KCNG2: variants seen among roughly 807,000 people sequenced by gnomAD.
KCNG2 encodes the protein potassium voltage-gated channel modifier subfamily G member 2, also known as voltage-gated potassium channel regulatory subunit KCNG2.
A neutral mutation model predicts 12.3 loss-of-function variants in KCNG2; 7 were observed. The ratio of observed to expected loss-of-function variants is 0.57; its 90% CI spans 0.32 to 1.07. The LOEUF (loss-of-function observed/expected upper bound fraction) is 1.07. Ranked by LOEUF, KCNG2 falls within the 50% of genes least tolerant of loss-of-function variation. The probability of loss-of-function intolerance (pLI) is 0.04; values close to 1 mark genes in which losing one functional copy is unlikely to be tolerated. For synonymous variants in KCNG2, 414 were observed against 351.4 expected, an observed-to-expected ratio of 1.18 and a Z score of -1.99; for missense variants, 703 against 726.0, an observed-to-expected ratio of 0.97 and a Z score of 0.36.
At chr18:79,829,596 C>A (rs36087369) in intron 1 of KCNG2, among the ~76,000 whole-genome samples, 8 of 151,978 alleles carry the variant, frequency 5.3e-5, no homozygotes, top group African/African-American at 1.5e-4. Context: ...CAGTCTCTGC[C>A]TCACACCGGT....
At chr18:79,817,933 C>A (rs938900738) in intron 1 of KCNG2, among the ~76,000 whole-genome samples, 2 of 152,210 alleles carry the variant, frequency 1.3e-5, no homozygotes, top group African/African-American at 2.4e-5. Context: ...GTGAATTGGG[C>A]TCTTTCCTGA....
chr18:79,891,689 C>T (rs1568273332), intron 3 of KCNG2, among the ~76,000 whole-genome samples: 1 of 152,074 alleles, frequency 6.6e-6, no homozygotes, highest in East Asian at 1.9e-4. Flanking sequence ...CCCAATTTTT[C>T]TCCTGTTATT....
intron 3 of KCNG2, among the ~76,000 whole-genome samples, chr18:79,867,457 G>T (rs1478870690): frequency 1.8e-5 from 2 of 110,770 alleles, no homozygotes; most frequent in Admixed American, 1.8e-4. Flanking sequence ...GTGTCTTGGG[G>T]GGGGGACCGT....
At chr18:79,846,120 C>T (rs1226325826) in intron 1 of KCNG2, among the ~76,000 whole-genome samples, 1 of 150,970 alleles carries the variant, frequency 6.6e-6, no homozygotes, top group Non-Finnish European at 1.5e-5. Context: ...CGCCTGTAAT[C>T]CCAGCACTTT....
chr18:79,834,941 T>A (rs1028927936), intron 1 of KCNG2, among the ~76,000 whole-genome samples: 4 of 152,200 alleles, frequency 2.6e-5, no homozygotes, highest in African/African-American at 9.7e-5. Flanking sequence ...TTCCCTCTTG[T>A]TTATACTGAG....
intron 1 of KCNG2, among the ~76,000 whole-genome samples, chr18:79,851,963 G>A (rs1978840082): frequency 6.6e-6 from 1 of 152,192 alleles, no homozygotes; most frequent in Admixed American, 6.5e-5. Context: ...ATTTATTTTC[G>A]TTTTATAGAT....
Position 79,899,841 on chromosome 18 carries a change from C to T in KCNG2, c.*25C>T, listed in dbSNP as rs1285161567. ...ACGCCTGCGCCGCCCACACGGAGAC[C>T]CCCTGCCCCCTCCAGCTGCAGCGTC... is the stretch of plus-strand genomic sequence containing the variant. On this transcript the variant is annotated 3_prime_UTR_variant, in exon 4 of 4. Transcript: ENST00000316249. 1.5e-6 allele frequency: 2 copies of T among 1,319,162 alleles called. No individual in the cohort carries two copies. The highest frequency in any genetic ancestry group is 1.9e-6 in the Non-Finnish European group (2 of 1,038,406). 81.7% of individuals were successfully genotyped at this position (1,319,162 alleles called of 1,614,324 possible).
At chr18:79,810,129 G>T (rs577282052) in intron 1 of KCNG2, among the ~76,000 whole-genome samples, 1 of 152,354 alleles carries the variant, frequency 6.6e-6, no homozygotes, top group African/African-American at 2.4e-5. Flanking sequence ...CTTCTCATGT[G>T]CAAAGGCAGA....
At chr18:79,836,276 A>C (rs1978324086) in intron 1 of KCNG2, among the ~76,000 whole-genome samples, 2 of 152,242 alleles carry the variant, frequency 1.3e-5, no homozygotes, top group Admixed American at 1.3e-4. Flanking sequence ...ATGTTACCAG[A>C]GACAGAGGAG....
intron 3 of KCNG2, among the ~76,000 whole-genome samples, chr18:79,867,282 A>T (rs1375399330): frequency 6.6e-6 from 1 of 151,714 alleles, no homozygotes; most frequent in Non-Finnish European, 1.5e-5. Flanking sequence ...GTCCTGTCCC[A>T]CTAACCTGAC....
At chr18:79,885,738 C>T (rs1464690894) in intron 3 of KCNG2, among the ~76,000 whole-genome samples, 3 of 151,842 alleles carry the variant, frequency 2.0e-5, no homozygotes, top group Non-Finnish European at 4.4e-5. Context: ...ACCGGGGACA[C>T]GAGGGAGATG....
At chr18:79,883,278 C>T (rs1044136570) in intron 3 of KCNG2, among the ~76,000 whole-genome samples, 4 of 150,868 alleles carry the variant, frequency 2.7e-5, no homozygotes, top group Non-Finnish European at 5.9e-5. Context: ...AGGCAGGGAA[C>T]GGCGGGGGGA....
chr18:79,877,315 C>A (rs1310395301), intron 3 of KCNG2, among the ~76,000 whole-genome samples: 2 of 151,682 alleles, frequency 1.3e-5, no homozygotes, highest in African/African-American at 4.9e-5. Context: ...GAGGCTGGGT[C>A]CCTCCAGCGG....
chr18:79,879,743 AT>A (rs1980221209), intron 3 of KCNG2, among the ~76,000 whole-genome samples: 2 of 152,200 alleles, frequency 1.3e-5, no homozygotes. Flanking sequence ...CACCGGACTT[AT>A]CCCAACCAGT....
At chr18:79,807,200 G>C (rs114944050) in intron 1 of KCNG2, among the ~76,000 whole-genome samples, 2 of 152,122 alleles carry the variant, frequency 1.3e-5, no homozygotes, top group Non-Finnish European at 2.9e-5. Context: ...TGAGGGTTCC[G>C]AGTGGGTGGC....
chr18:79,855,668 C>A (rs575575334), intron 1 of KCNG2, among the ~76,000 whole-genome samples: 2 of 152,024 alleles, frequency 1.3e-5, no homozygotes, highest in East Asian at 3.9e-4. Context: ...GGGTTTCCTT[C>A]CCGATCACCC....
At position 79,884,313 on chromosome 18, in the gene KCNG2, C is replaced by T. The variant is rs1980436745; in HGVS notation, c.625-14727C>T. ...AAGAGAATTCGCCCCATCTAGGTCCCACCTAATGACACACACTCCCGTTCT... is the reference window on the plus strand; with the variant it reads ...AAGAGAATTCGCCCCATCTAGGTCCTACCTAATGACACACACTCCCGTTCT... On this transcript the variant is annotated intron_variant, in intron 3 of 3. Transcript: ENST00000316249. This position sits in a 1 kb window ranked among gnomAD's most constrained non-coding sequence, Gnocchi z 5.5. Among the ~76,000 whole-genome samples the T allele has an allele frequency of 6.6e-6, 1 of 152,154 alleles. No individual in the cohort carries two copies. Among genetic ancestry groups the T allele is most frequent in the Non-Finnish European group, 1.5e-5 (1 of 68,014 alleles).
chr18:79,821,549 C>G (rs1422565861), intron 1 of KCNG2, among the ~76,000 whole-genome samples: 3 of 152,154 alleles, frequency 2.0e-5, no homozygotes, highest in African/African-American at 2.4e-5. Context: ...CTCGGCCTCC[C>G]AAAGTGCTGG....
At chr18:79,807,779 G>A (rs1032587937) in intron 1 of KCNG2, among the ~76,000 whole-genome samples, 1 of 149,424 alleles carries the variant, frequency 6.7e-6, no homozygotes, top group Non-Finnish European at 1.5e-5. Flanking sequence ...AGGAGCTGCC[G>A]GGGCCGCGCT....
Sources: allele counts gnomAD v4.1 joint callset (sites outside exome capture counted in the v4.1 genomes callset), GRCh38; gene constraint gnomAD v4.1.1; non-coding constraint Gnocchi (gnomAD v3.1); transcripts MANE v1.5; gene names NCBI Gene and HGNC (gene_info 2026-07-23, HGNC 2026-07-21).